Variants in BANP observed in about 807,000 individuals in gnomAD.
BANP encodes the protein BTG3 associated nuclear protein.
Under a neutral mutation model 68.1 loss-of-function variants are expected in BANP, and 11 were observed. The observed-to-expected ratio is 0.16, with a 90% confidence interval of 0.10 to 0.27. The LOEUF is 0.27. Ranked by LOEUF, BANP falls within the 10% of genes least tolerant of loss-of-function variation. The probability of loss-of-function intolerance (pLI) is 1.00; values close to 1 mark genes in which losing one functional copy is unlikely to be tolerated. For missense variants in BANP, 504 were observed against 722.7 expected (o/e 0.70, Z 3.47); for synonymous variants, 329 against 303.2 (o/e 1.09, Z -0.88).
Position 87,989,824 on chromosome 16 carries a change from C to T in BANP, c.362+5565C>T, listed in dbSNP as rs1250774773. Among the ~76,000 whole-genome samples the T allele has an allele frequency of 1.2e-4, 12 of 101,610 alleles. No homozygotes were observed. In the East Asian group the frequency reaches 1.3e-3, roughly 11 times the overall value. The allele number at this position is 101,610 out of a possible 152,430, so 66.7% of individuals were successfully genotyped here. A position where few individuals can be genotyped will look rare whatever the true frequency, so the allele number is the denominator to read the frequency against. On this transcript the variant is annotated intron_variant, in intron 4 of 13. Transcript: ENST00000682872. ...CGCATCCAGGACACAGGACACAGGG[C>T]GGGTGATGGGGGATGCAGGCCCGCG...
chr16:87,986,342 C>G (rs970290610), intron 4 of BANP, among the ~76,000 whole-genome samples: 7 of 152,188 alleles, frequency 4.6e-5, no homozygotes, highest in Non-Finnish European at 7.3e-5. Context: ...CAAAATTGGT[C>G]GTTAGATTCC....
chr16:88,001,629 C>T (rs1046006325), intron 4 of BANP, among the ~76,000 whole-genome samples: 9 of 152,150 alleles, frequency 5.9e-5, no homozygotes, highest in African/African-American at 1.7e-4. Flanking sequence ...TTTACTTTTA[C>T]AGCATATTAT....
In BANP at chr16:87,957,508, C is replaced by G. The variant is rs759245484; in HGVS notation, c.-69+5993C>G. ...CAGGAGACCTGGGGCGGTTTTGAGG[C>G]AAGCTCACGGAGGCCTGCCGCAGGG... On this transcript the variant is annotated intron_variant, in intron 1 of 13. Transcript: ENST00000682872. The surrounding 1 kb of genome is among the most constrained non-coding windows in gnomAD (Gnocchi z 4.3). 6.6e-6 allele frequency among the ~76,000 whole-genome samples: 1 copy of G among 152,230 alleles called. No individual in the cohort carries two copies. Among genetic ancestry groups the G allele is most frequent in the Non-Finnish European group, 1.5e-5 (1 of 68,044 alleles).
chr16:88,066,048 C>T (rs2088485033), intron 12 of BANP, among the ~76,000 whole-genome samples: 1 of 152,222 alleles, frequency 6.6e-6, no homozygotes, highest in African/African-American at 2.4e-5. Context: ...TCCGAGCAGC[C>T]TCTGTCGTCC....
At chr16:87,982,279 C>G (rs187029585) in intron 3 of BANP, among the ~76,000 whole-genome samples, 2 of 152,158 alleles carry the variant, frequency 1.3e-5, no homozygotes, top group Admixed American at 6.5e-5. Context: ...GGGTGGGCCC[C>G]CGGTTGAATG....
At chr16:88,068,919 C>G (rs1367223283) in intron 12 of BANP, among the ~76,000 whole-genome samples, 4 of 151,898 alleles carry the variant, frequency 2.6e-5, no homozygotes, top group Non-Finnish European at 5.9e-5. Context: ...GAGCCAGAGT[C>G]TCTGCGGCTG....
Position 88,003,705 on chromosome 16 carries a change from C to A in BANP, c.363-590C>A. ...AGAATCTTTTCCTTCAAAGCAGAAC[C>A]CTGAGCCCTTTGGTTGTAGCTCACA... On this transcript the variant is annotated intron_variant, in intron 4 of 13. Transcript: ENST00000682872. This position sits in a 1 kb window ranked among gnomAD's most constrained non-coding sequence, Gnocchi z 6.1. The A allele has an allele frequency of 2.9e-6, 1 of 346,752 alleles. No homozygotes were observed. The highest frequency in any genetic ancestry group is 2.2e-5 in the South Asian group (1 of 45,218). 21.5% of individuals were successfully genotyped at this position (346,752 alleles called of 1,614,324 possible). A position where few individuals can be genotyped will look rare whatever the true frequency, so the allele number is the denominator to read the frequency against.
chr16:88,065,889 C>CCCCAGCGGAGAGGGGG (rs2088421058), intron 12 of BANP, among the ~76,000 whole-genome samples: 1 of 152,104 alleles, frequency 6.6e-6, no homozygotes, highest in Non-Finnish European at 1.5e-5. Context: ...CGGAGCAGCT[C>CCCCAGCGGAGAGGGGG]CCCTCTGGGA....
At chr16:87,979,992 G>A (rs912516750) in intron 2 of BANP, among the ~76,000 whole-genome samples, 6 of 152,144 alleles carry the variant, frequency 3.9e-5, no homozygotes, top group African/African-American at 1.4e-4. Flanking sequence ...CATATTTGTT[G>A]CTCAGTGAAG....
chr16:87,994,501 C>T (rs568018123), intron 4 of BANP, among the ~76,000 whole-genome samples: 1 of 152,324 alleles, frequency 6.6e-6, no homozygotes, highest in African/African-American at 2.4e-5. Context: ...TAGGTTAGTC[C>T]CGCTTCTCTG....
intron 2 of BANP, chr16:87,978,534 TTTAA>T (rs1373221995): frequency 1.1e-5 from 5 of 453,352 alleles, no homozygotes; most frequent in Non-Finnish European, 2.3e-5. Flanking sequence ...GGCATGGAGT[TTTAA>T]AAGTTTCATT....
intron 11 of BANP, among the ~76,000 whole-genome samples, chr16:88,060,802 G>C (rs760741722): frequency 2.6e-5 from 4 of 152,164 alleles, no homozygotes; most frequent in Admixed American, 6.5e-5. Context: ...TGGCAGGCTT[G>C]TGCACGCGTC....
chr16:87,984,237 C>G lies in BANP; in HGVS notation c.340C>G (p.Gln114Glu), dbSNP rs1331569719. ...MVAGSPLGAT[Q>E]TCNKVRCVVP... Reference sequence around the variant, plus strand: ...GGCCGGCTCCCCTCTCGGGGCAACCCAGACGTGCAACAAAGTGCGATGGTA... The same window carrying G: ...GGCCGGCTCCCCTCTCGGGGCAACCGAGACGTGCAACAAAGTGCGATGGTA... Residue 114 changes from glutamine to glutamate, a missense_variant, in exon 4 of 14, where the codon CAG becomes GAG. Gln to Glu is a conservative substitution (Grantham distance 29). This residue lies in a region of BANP where 238 missense variants were observed against 278.9 expected (regional missense o/e 0.85). Coordinates refer to ENST00000682872, the MANE Select transcript of BANP (RefSeq NM_001386991.1). The G allele has an allele frequency of 1.9e-6, 3 of 1,598,730 alleles. No homozygotes were observed. The highest frequency in any genetic ancestry group is 1.7e-4 in the Middle Eastern group (1 of 6,046).
At position 88,004,985 on chromosome 16, in the gene BANP, C is replaced by T. The variant is rs2070562488; in HGVS notation, c.479+574C>T. 6.6e-6 allele frequency among the ~76,000 whole-genome samples: 1 copy of T among 152,172 alleles called. No homozygotes were observed. The highest frequency in any genetic ancestry group is 2.4e-5 in the African/African-American group (1 of 41,432). ...GTCCCCAGGAGTGCCCCTGGGGCTGCGTGAACCCCTGAGGATGCTGTTGCT... is the reference window on the plus strand; with the variant it reads ...GTCCCCAGGAGTGCCCCTGGGGCTGTGTGAACCCCTGAGGATGCTGTTGCT... On this transcript the variant is annotated intron_variant, in intron 5 of 13. Coordinates refer to ENST00000682872, the MANE Select transcript of BANP (RefSeq NM_001386991.1). This position sits in a 1 kb window ranked among gnomAD's most constrained non-coding sequence, Gnocchi z 7.0.
chr16:88,032,199 G>C (rs756724595), intron 8 of BANP, among the ~76,000 whole-genome samples: 2 of 150,960 alleles, frequency 1.3e-5, no homozygotes, highest in Non-Finnish European at 3.0e-5. Flanking sequence ...TCATCTTACT[G>C]CTTCCCTCCC....
In BANP at chr16:88,061,148, A is replaced by T. The variant is rs2086660019; in HGVS notation, c.1312-4119A>T. On this transcript the variant is annotated intron_variant, in intron 11 of 13. Transcript: ENST00000682872. ...GTGCTTGATTGAGGTTCATGCTGAA[A>T]CGCTGGAGCCAGCCGCAGAGCACTG... 2.0e-5 allele frequency among the ~76,000 whole-genome samples: 3 copies of T among 152,262 alleles called. 1 individual carries two copies. The South Asian group carries it at 6.2e-4, about 32-fold the overall frequency.
chr16:87,983,934 A>G, intron 3 of BANP, 126 bp from the exon 4 acceptor site: 1 of 1,386,942 alleles, frequency 7.2e-7, no homozygotes, highest in Non-Finnish European at 9.7e-7. Context: ...GGCTATTTCC[A>G]GTGTGGGGAT....
intron 7 of BANP, among the ~76,000 whole-genome samples, chr16:88,026,493 G>T (rs1412066605): frequency 6.6e-6 from 1 of 152,214 alleles, no homozygotes; most frequent in African/African-American, 2.4e-5. Context: ...CACAACAAAG[G>T]CCCCTGTGTT....
Position 88,072,135 on chromosome 16 carries a change from T to C in BANP, c.1444T>C (p.Ser482Pro), listed in dbSNP as rs775793011. 3 of 1,609,666 alleles carry C rather than the reference T, an allele frequency of 1.9e-6. No homozygotes were observed. In the East Asian group the frequency reaches 6.7e-5, roughly 36 times the overall value. The part of the protein sequence containing the change: ...SDPAAAGVDG[S>P]PLQGSDIQVQ... Reference sequence around the variant, plus strand: ...CCCCGCGGCGGCGGGCGTGGATGGGTCGCCACTCCAGGGCAGCGACATCCA... The same window carrying C: ...CCCCGCGGCGGCGGGCGTGGATGGGCCGCCACTCCAGGGCAGCGACATCCA... The change falls in exon 13 of 14, where the codon TCG becomes CCG. Residue 482 changes from serine (S) to proline (P), a missense_variant. By Grantham distance (74) the Ser-to-Pro change is moderately conservative. Around this residue, in one of 3 missense-constraint regions of BANP, gnomAD observed 223 missense variants for 246.2 expected, o/e 0.91. Transcript: ENST00000682872.
Sources: gnomAD v4.1 joint callset for allele counts (sites outside exome capture counted in the v4.1 genomes callset) on GRCh38, gnomAD v4.1.1 for gene constraint, gnomAD v4.1.1 regional missense constraint, Gnocchi (gnomAD v3.1) non-coding constraint, MANE v1.5 for transcripts, NCBI Gene and HGNC (gene_info 2026-07-23, HGNC 2026-07-21) for gene names.